The following LIG1 variants were observed in gnomAD, a reference collection of about 807,000 sequenced individuals.
LIG1 encodes the protein DNA ligase 1.
A neutral mutation model predicts 115.7 loss-of-function variants in LIG1; 70 were observed. That is an observed-to-expected ratio of 0.60 (90% CI 0.50 to 0.74). The LOEUF is 0.74. LIG1 is among the 30% of genes least tolerant of loss of function. The pLI is 0.00. For missense variants in LIG1, 1,115 were observed against 1,225.6 expected (o/e 0.91, Z 1.35); for synonymous variants, 487 against 495.3 (o/e 0.98, Z 0.22).
At chr19:48,131,447 A>T (rs1358281011) in intron 18 of LIG1, among the ~76,000 whole-genome samples, 2 of 152,112 alleles carry the variant, frequency 1.3e-5, no homozygotes, top group Admixed American at 1.3e-4. Flanking sequence ...ATTTGTTTAA[A>T]TGTCATTATG....
In LIG1 at chr19:48,168,460, G is replaced by C. The variant is rs1475412591; in HGVS notation, c.-58+1781C>G. Among the ~76,000 whole-genome samples the C allele has an allele frequency of 1.3e-5, 2 of 152,186 alleles. 1 individual carries two copies. Among genetic ancestry groups the C allele is most frequent in the Non-Finnish European group, 2.9e-5 (2 of 68,046 alleles). ...TGGCTTCTCAACTCTGTGTACTGCTGAGTTGGGGGGAACAAACTGGTTGAT... is the reference window on the plus strand; with the variant it reads ...TGGCTTCTCAACTCTGTGTACTGCTCAGTTGGGGGGAACAAACTGGTTGAT... On this transcript the variant is annotated intron_variant, in intron 1 of 27. Transcript: ENST00000263274.
Position 48,154,268 on chromosome 19 carries a change from G to A in LIG1, c.371-301C>T, listed in dbSNP as rs537313647. 17 of 382,526 alleles carry A rather than the reference G, an allele frequency of 4.4e-5. No individual in the cohort carries two copies. The East Asian group carries it at 9.7e-4, about 22-fold the overall frequency. The allele number at this position is 382,526 out of a possible 1,614,324, so 23.7% of individuals were successfully genotyped here. A position where few individuals can be genotyped will look rare whatever the true frequency, so the allele number is the denominator to read the frequency against. ...CTTGGCACAGTACCGATTCCAGCAG[G>A]TCCCCTGAGCTCCCCACTGCTCCCC... On this transcript the variant is annotated intron_variant, in intron 5 of 27. Coordinates refer to ENST00000263274, the MANE Select transcript of LIG1 (RefSeq NM_000234.3).
chr19:48,117,344 G>A (rs914289731), intron 26 of LIG1, among the ~76,000 whole-genome samples: 12 of 150,274 alleles, frequency 8.0e-5, no homozygotes, highest in African/African-American at 2.9e-4. Context: ...ATTTTTGGTA[G>A]AGATGGGGTT....
chr19:48,139,113 C>G (rs1245972312), intron 12 of LIG1, among the ~76,000 whole-genome samples: 1 of 152,232 alleles, frequency 6.6e-6, no homozygotes, highest in African/African-American at 2.4e-5. Context: ...GGTCATCCCT[C>G]CTACACTGAC....
chr19:48,161,889 G>A (rs377033026), intron 3 of LIG1, among the ~76,000 whole-genome samples: 8 of 135,730 alleles, frequency 5.9e-5, no homozygotes, highest in Middle Eastern at 4.6e-3. Flanking sequence ...GCAGTGGGCC[G>A]AGATCACACC....
At chr19:48,146,441 A>G (rs181244074) in intron 9 of LIG1, among the ~76,000 whole-genome samples, 157 of 152,388 alleles carry the variant, frequency 1.0e-3, no homozygotes, top group East Asian at 6.6e-3. Flanking sequence ...AATGAAACAG[A>G]TAACGACAAG....
intron 6 of LIG1, among the ~76,000 whole-genome samples, chr19:48,153,587 G>T (rs1035322602): frequency 6.8e-6 from 1 of 146,726 alleles, no homozygotes; most frequent in African/African-American, 2.5e-5. Flanking sequence ...CATCAAATCG[G>T]CAGGGTCCAA....
intron 1 of LIG1, among the ~76,000 whole-genome samples, chr19:48,167,842 AAAAAAAAAC>A (rs898451898): frequency 5.3e-5 from 8 of 151,666 alleles, no homozygotes; most frequent in African/African-American, 1.9e-4. Flanking sequence ...AAAAAAAAAA[AAAAAAAAAC>A]AAACAAAAAA....
chr19:48,149,730 G>A (rs550997160), intron 9 of LIG1, 33 bp downstream of exon 9: 146 of 1,578,124 alleles, frequency 9.3e-5, no homozygotes, highest in Non-Finnish European at 1.2e-4. Context: ...AACACATCCC[G>A]AAGAACCTTT....
At chr19:48,128,050 T>C (rs774060582) in intron 19 of LIG1, 30 bp from the exon 20 acceptor site, 33 of 1,549,932 alleles carry the variant, frequency 2.1e-5, no homozygotes, top group South Asian at 3.3e-5. Context: ...ACCCAGGGCC[T>C]GAGAGAGGTG....
At chr19:48,146,910 C>T (rs918269254) in intron 9 of LIG1, among the ~76,000 whole-genome samples, 10 of 152,132 alleles carry the variant, frequency 6.6e-5, no homozygotes, top group Admixed American at 1.3e-4. Flanking sequence ...TGGCGAGGCC[C>T]GACCTAACCT....
chr19:48,138,488 C>T (rs1043408601), intron 12 of LIG1, among the ~76,000 whole-genome samples: 29 of 152,320 alleles, frequency 1.9e-4, no homozygotes, highest in African/African-American at 5.8e-4. Flanking sequence ...GCGCCTGAAG[C>T]GAAACTGCCA....
rs1219279207 is a variant in LIG1, at chr19:48,165,602, T to C, written c.-36A>G. 1.9e-6 allele frequency: 3 copies of C among 1,613,898 alleles called. No individual in the cohort carries two copies. The highest frequency in any genetic ancestry group is 1.3e-5 in the African/African-American group (1 of 74,892). On this transcript the variant is annotated 5_prime_UTR_variant, in exon 2 of 28. Coordinates refer to ENST00000263274, the MANE Select transcript of LIG1 (RefSeq NM_000234.3). ...GAATTCTCCCTTCCTGTCCAGCACT[T>C]TTCTTCGTCTGTCAGCTGCTCCTGG...
intron 19 of LIG1, 117 bp from the exon 20 acceptor site, chr19:48,128,137 G>C: frequency 2.5e-6 from 2 of 801,276 alleles, no homozygotes; most frequent in South Asian, 1.4e-5. Context: ...CACTAACAAA[G>C]AGGCAGGTGC....
At chr19:48,120,428 C>T (rs181066665) in intron 24 of LIG1, 4 of 985,316 alleles carry the variant, frequency 4.1e-6, no homozygotes, top group African/African-American at 3.5e-5. Context: ...GTCACTACTG[C>T]GTGTCTCTGG....
chr19:48,131,570 C>A (rs552318217), intron 18 of LIG1, among the ~76,000 whole-genome samples: 3 of 152,160 alleles, frequency 2.0e-5, no homozygotes, highest in Non-Finnish European at 4.4e-5. Flanking sequence ...GAGAGCCTTC[C>A]GCCTCAGCCT....
chr19:48,124,089 T>G (rs1374976919), intron 21 of LIG1, among the ~76,000 whole-genome samples: 1 of 152,190 alleles, frequency 6.6e-6, no homozygotes, highest in East Asian at 1.9e-4. Flanking sequence ...GCTTTTCTCT[T>G]TTGTTCGATC....
intron 6 of LIG1, 66 bp downstream of exon 6, chr19:48,153,806 C>A: frequency 3.7e-6 from 1 of 271,384 alleles, no homozygotes; most frequent in Non-Finnish European, 6.5e-6. Context: ...TCCTCCTCCT[C>A]CTTCCTCTTG....
chr19:48,122,078 A>C lies in LIG1; in HGVS notation c.2233-756T>G, dbSNP rs1008254261. ...GGAGGGAAACCAGCCACAGACAGAC[A>C]TAAGTACACAGGAAGAGCTAGTCAG... On this transcript the variant is annotated intron_variant, in intron 23 of 27. Transcript: ENST00000263274. This position sits in a 1 kb window ranked among gnomAD's most constrained non-coding sequence, Gnocchi z 4.3. The C allele has an allele frequency of 1.3e-5, 2 of 152,836 alleles. No individual in the cohort carries two copies. Among genetic ancestry groups the C allele is most frequent in the African/African-American group, 4.8e-5 (2 of 41,468 alleles). 9.5% of individuals were successfully genotyped at this position (152,836 alleles called of 1,614,324 possible).
Sources: allele counts gnomAD v4.1 joint callset (sites outside exome capture counted in the v4.1 genomes callset), GRCh38; gene constraint gnomAD v4.1.1; non-coding constraint Gnocchi (gnomAD v3.1); transcripts MANE v1.5; gene names NCBI Gene and HGNC (gene_info 2026-07-23, HGNC 2026-07-21).